The following SV2B variants were observed in gnomAD, a reference collection of about 807,000 sequenced individuals.
The protein encoded by SV2B is synaptic vesicle glycoprotein 2B, also known as solute carrier family 22 member B2.
Under a neutral mutation model 73.9 loss-of-function variants are expected in SV2B, and 41 were observed. That is an observed-to-expected ratio of 0.56 (90% CI 0.43 to 0.72). The LOEUF (loss-of-function observed/expected upper bound fraction) is 0.72. Among genes scored for constraint, SV2B ranks in the 30% least tolerant of loss-of-function variants. The probability of loss-of-function intolerance (pLI) is 0.00; values close to 1 mark genes in which losing one functional copy is unlikely to be tolerated. For synonymous variants in SV2B, 314 were observed against 314.2 expected (o/e 1.00, Z 0.01); for missense variants, 764 against 857.8 (o/e 0.89, Z 1.37).
rs1401821718 is a variant in SV2B at position 91,123,874 on chromosome 15, C to G, written c.-392+23511C>G. 6.6e-6 allele frequency among the ~76,000 whole-genome samples: 1 copy of G among 152,168 alleles called. No homozygotes were observed. The highest frequency in any genetic ancestry group is 1.5e-5 in the Non-Finnish European group (1 of 68,028). ...GATCTCCAGGGGAGATGACCCTGGG[C>G]TCTAAGCACACTTGGTCTGTGTCCC... On this transcript the variant is annotated intron_variant, in intron 1 of 12. Coordinates refer to ENST00000394232, the MANE Select transcript of SV2B (RefSeq NM_001323032.3). This position sits in a 1 kb window ranked among gnomAD's most constrained non-coding sequence, Gnocchi z 4.7.
chr15:91,105,660 G>A lies in SV2B; in HGVS notation c.-392+5297G>A, dbSNP rs2041861887. Reference sequence around the variant, plus strand: ...TTTTCCAAGGATCCCTTGAGCTTTAGAGCTTAGTGTAGACTCTTGGAGGAT... The same window carrying A: ...TTTTCCAAGGATCCCTTGAGCTTTAAAGCTTAGTGTAGACTCTTGGAGGAT... On this transcript the variant is annotated intron_variant, in intron 1 of 12. Transcript: ENST00000394232. This position sits in a 1 kb window ranked among gnomAD's most constrained non-coding sequence, Gnocchi z 5.5. Among the ~76,000 whole-genome samples the A allele has an allele frequency of 1.3e-5, 2 of 152,204 alleles. No individual in the cohort carries two copies. Among genetic ancestry groups the A allele is most frequent in the South Asian group, 4.1e-4 (2 of 4,828 alleles).
intron 1 of SV2B, among the ~76,000 whole-genome samples, chr15:91,154,209 G>A (rs2043410128): frequency 6.7e-6 from 1 of 148,608 alleles, no homozygotes; most frequent in Non-Finnish European, 1.5e-5. Flanking sequence ...ATATTATAAA[G>A]TAATATAAAG....
chr15:91,129,441 C>T lies in SV2B; in HGVS notation c.-392+29078C>T, dbSNP rs1465517540. On this transcript the variant is annotated intron_variant, in intron 1 of 12. Transcript: ENST00000394232. This position sits in a 1 kb window ranked among gnomAD's most constrained non-coding sequence, Gnocchi z 5.1. ...ACTGGGGGAGGAAGGAGCATTGAGG[C>T]TGAGTCAAGTGCAATGGTGGGGATC... 6.6e-6 allele frequency among the ~76,000 whole-genome samples: 1 copy of T among 152,104 alleles called. No homozygotes were observed. Among genetic ancestry groups the T allele is most frequent in the East Asian group, 1.9e-4 (1 of 5,194 alleles).
chr15:91,233,431 T>A (rs754849825), intron 2 of SV2B, among the ~76,000 whole-genome samples: 1 of 152,116 alleles, frequency 6.6e-6, no homozygotes, highest in Non-Finnish European at 1.5e-5. Flanking sequence ...TGAAAGCTTC[T>A]GTGTTTCCCT....
chr15:91,208,666 C>A (rs951988186), intron 1 of SV2B, among the ~76,000 whole-genome samples: 4 of 152,314 alleles, frequency 2.6e-5, no homozygotes, highest in Admixed American at 2.6e-4. Flanking sequence ...CAGGTCTTCT[C>A]AAAAATTCAT....
chr15:91,144,247 C>G (rs2080930575), intron 1 of SV2B, among the ~76,000 whole-genome samples: 1 of 152,184 alleles, frequency 6.6e-6, no homozygotes, highest in African/African-American at 2.4e-5. Context: ...AGGTTAAACA[C>G]AGGACTGGAG....
chr15:91,149,305 T>G (rs1212065713), intron 1 of SV2B, among the ~76,000 whole-genome samples: 2 of 152,160 alleles, frequency 1.3e-5, no homozygotes, highest in Middle Eastern at 3.4e-3. Flanking sequence ...GGGATAGGAG[T>G]GGGCACTGAT....
upstream of SV2B, among the ~76,000 whole-genome samples, chr15:91,099,626 A>G (rs1323167330): frequency 2.6e-5 from 4 of 152,200 alleles, no homozygotes; most frequent in African/African-American, 9.7e-5. Context: ...GGAGGGAGAC[A>G]GAGGTGGAGG....
chr15:91,182,102 A>C (rs2044602306), intron 1 of SV2B, among the ~76,000 whole-genome samples: 1 of 152,204 alleles, frequency 6.6e-6, no homozygotes, highest in African/African-American at 2.4e-5. Context: ...AAGTGCATTC[A>C]AAGTAAAAAA....
chr15:91,134,732 A>C (rs1035125058), intron 1 of SV2B, among the ~76,000 whole-genome samples: 1 of 152,180 alleles, frequency 6.6e-6, no homozygotes, highest in Non-Finnish European at 1.5e-5. Flanking sequence ...AATTCCTAAC[A>C]CATAAGTGTT....
At chr15:91,209,445 A>G (rs1013769534) in intron 1 of SV2B, among the ~76,000 whole-genome samples, 6 of 152,158 alleles carry the variant, frequency 3.9e-5, no homozygotes, top group African/African-American at 1.4e-4. Context: ...TTGATGGCTT[A>G]AGCAGAGTTT....
chr15:91,154,765 A>G (rs529656235), intron 1 of SV2B, among the ~76,000 whole-genome samples: 1 of 152,170 alleles, frequency 6.6e-6, no homozygotes, highest in Non-Finnish European at 1.5e-5. Context: ...GTCCACAGGA[A>G]GAGGCAAGGC....
At chr15:91,188,283 TTTTATTTATTTATTTATTTA>T (rs200076814) in intron 1 of SV2B, among the ~76,000 whole-genome samples, 53,435 of 144,022 alleles carry the variant, frequency 0.37, 10,249 homozygotes, top group East Asian at 0.72. Context: ...TGTTCCTTAT[TTTTATTTATTTATTTATTTA>T]TTTATTTATT....
intron 1 of SV2B, among the ~76,000 whole-genome samples, chr15:91,210,226 T>A (rs1249852778): frequency 6.6e-6 from 1 of 152,056 alleles, no homozygotes; most frequent in Non-Finnish European, 1.5e-5. Context: ...CCACTACTGA[T>A]AATTTCCCCA....
At chr15:91,256,117 A>G (rs1413955911) in intron 4 of SV2B, among the ~76,000 whole-genome samples, 1 of 152,228 alleles carries the variant, frequency 6.6e-6, no homozygotes, top group Admixed American at 6.5e-5. Context: ...TGGATATATT[A>G]TGGAAGATTA....
intron 1 of SV2B, among the ~76,000 whole-genome samples, chr15:91,146,893 C>T (rs1197039562): frequency 2.0e-5 from 3 of 152,230 alleles, no homozygotes; most frequent in African/African-American, 7.2e-5. Flanking sequence ...CACTTAACCT[C>T]TCTGTGTCTT....
chr15:91,181,276 G>A (rs990251447), intron 1 of SV2B, among the ~76,000 whole-genome samples: 5 of 151,592 alleles, frequency 3.3e-5, no homozygotes, highest in Non-Finnish European at 5.9e-5. Context: ...AGGAGTACCC[G>A]GCCATATGAG....
intron 1 of SV2B, among the ~76,000 whole-genome samples, chr15:91,119,311 C>G (rs2042261930): frequency 6.6e-6 from 1 of 152,200 alleles, no homozygotes; most frequent in Non-Finnish European, 1.5e-5. Context: ...GGTACTTTGT[C>G]ATTTGAGACG....
intron 1 of SV2B, among the ~76,000 whole-genome samples, chr15:91,164,466 CTG>C (rs1470072393): frequency 6.6e-6 from 1 of 152,166 alleles, no homozygotes; most frequent in Non-Finnish European, 1.5e-5. Flanking sequence ...TGCTTTGAAT[CTG>C]TGAATTCCTC....
Sources: gnomAD v4.1 joint callset for allele counts (sites outside exome capture counted in the v4.1 genomes callset) on GRCh38, gnomAD v4.1.1 for gene constraint, Gnocchi (gnomAD v3.1) non-coding constraint, MANE v1.5 for transcripts, NCBI Gene and HGNC (gene_info 2026-07-23, HGNC 2026-07-21) for gene names.